The following MARCHF1 variants were observed in gnomAD, a reference collection of about 807,000 sequenced individuals.
The protein encoded by MARCHF1 is E3 ubiquitin-protein ligase MARCHF1.
In MARCHF1, 40 loss-of-function variants were observed where a neutral mutation model predicts 54.2. The ratio of observed to expected loss-of-function variants is 0.74; its 90% CI spans 0.57 to 0.96. The LOEUF (loss-of-function observed/expected upper bound fraction) is 0.96, where lower values mean the gene tolerates loss of function less well. Among genes scored for constraint, MARCHF1 ranks in the 40% least tolerant of loss-of-function variants. The pLI is 0.00. For synonymous variants in MARCHF1, 236 were observed against 236.3 expected (o/e 1.00, Z 0.01); for missense variants, 586 against 656.5 (o/e 0.89, Z 1.17).
chr4:164,013,376 G>A (rs1393663958), intron 2 of MARCHF1, among the ~76,000 whole-genome samples: 1 of 151,976 alleles, frequency 6.6e-6, no homozygotes, highest in Non-Finnish European at 1.5e-5. Flanking sequence ...AAGGATAGAA[G>A]GAGAATAAAG....
At chr4:163,564,399 C>T (rs1739576209) in intron 8 of MARCHF1, among the ~76,000 whole-genome samples, 1 of 152,132 alleles carries the variant, frequency 6.6e-6, no homozygotes, top group African/African-American at 2.4e-5. Context: ...AGAATAGCAG[C>T]TGAAAGGAGC....
At chr4:164,073,780 T>G (rs1411048868) in intron 2 of MARCHF1, among the ~76,000 whole-genome samples, 1 of 148,140 alleles carries the variant, frequency 6.8e-6, no homozygotes, top group African/African-American at 2.5e-5. Context: ...TTTTAGAAAG[T>G]TTTTTTTTTG....
intron 3 of MARCHF1, among the ~76,000 whole-genome samples, chr4:163,888,695 A>G (rs1184043294): frequency 6.6e-6 from 1 of 152,186 alleles, no homozygotes; most frequent in Non-Finnish European, 1.5e-5. Context: ...ATGTGCAGCC[A>G]AATCATTTTC....
intron 3 of MARCHF1, among the ~76,000 whole-genome samples, chr4:163,855,855 G>T (rs1749755921): frequency 6.6e-6 from 1 of 152,086 alleles, no homozygotes; most frequent in Admixed American, 6.5e-5. Flanking sequence ...CAGTAGCTTT[G>T]TCATTTCTTA....
chr4:164,043,013 G>A (rs1244490605), intron 2 of MARCHF1, among the ~76,000 whole-genome samples: 1 of 152,204 alleles, frequency 6.6e-6, no homozygotes, highest in Non-Finnish European at 1.5e-5. Flanking sequence ...TGCCTCCATA[G>A]CTCTGTAAGG....
At chr4:164,226,290 T>C (rs1218223568) in intron 1 of MARCHF1, among the ~76,000 whole-genome samples, 1 of 152,064 alleles carries the variant, frequency 6.6e-6, no homozygotes, top group East Asian at 1.9e-4. Context: ...TCAGAGATAT[T>C]CCAAGGGGTA....
intron 4 of MARCHF1, among the ~76,000 whole-genome samples, chr4:163,843,473 T>C (rs1749397291): frequency 6.6e-6 from 1 of 152,164 alleles, no homozygotes; most frequent in African/African-American, 2.4e-5. Flanking sequence ...TAATGTAAGT[T>C]TCCACCAGCA....
intron 1 of MARCHF1, among the ~76,000 whole-genome samples, chr4:164,351,002 G>C (rs369081942): frequency 2.6e-5 from 4 of 152,058 alleles, no homozygotes; most frequent in African/African-American, 2.4e-5. Context: ...AAGGGGTGAC[G>C]GACGCACCTG....
At chr4:163,780,966 C>T (rs940078010) in intron 4 of MARCHF1, among the ~76,000 whole-genome samples, 1 of 152,102 alleles carries the variant, frequency 6.6e-6, no homozygotes, top group Non-Finnish European at 1.5e-5. Context: ...CATCAGAGCC[C>T]GTTGAGATGT....
At chr4:163,653,571 G>T (rs1212669284) in intron 5 of MARCHF1, among the ~76,000 whole-genome samples, 1 of 151,650 alleles carries the variant, frequency 6.6e-6, no homozygotes, top group Non-Finnish European at 1.5e-5. Flanking sequence ...GTGAAAAGTG[G>T]TTGGATTTAG....
intron 4 of MARCHF1, among the ~76,000 whole-genome samples, chr4:163,747,761 G>A (rs996723360): frequency 6.6e-6 from 1 of 152,196 alleles, no homozygotes; most frequent in Non-Finnish European, 1.5e-5. Context: ...TACAGTGAAA[G>A]AATTTACAAA....
intron 3 of MARCHF1, among the ~76,000 whole-genome samples, chr4:163,900,978 G>T (rs1188148280): frequency 6.6e-6 from 1 of 152,094 alleles, no homozygotes; most frequent in Admixed American, 6.6e-5. Context: ...GCAGATCCTG[G>T]CCTGTCTACC....
At chr4:163,658,471 CCAGTGTAGAAGA>C (rs987680816) in intron 5 of MARCHF1, among the ~76,000 whole-genome samples, 15 of 152,114 alleles carry the variant, frequency 9.9e-5, no homozygotes, top group African/African-American at 2.6e-4. Flanking sequence ...ATTAGTTCAG[CCAGTGTAGAAGA>C]CAGTGTGGCA....
chr4:163,724,256 T>C (rs1479057808), intron 4 of MARCHF1, among the ~76,000 whole-genome samples: 8 of 152,096 alleles, frequency 5.3e-5, no homozygotes, highest in Non-Finnish European at 8.8e-5. Flanking sequence ...TCCTCAGATG[T>C]TGGAGTTTGC....
intron 3 of MARCHF1, among the ~76,000 whole-genome samples, chr4:163,923,330 T>C (rs947573141): frequency 1.3e-5 from 2 of 152,148 alleles, no homozygotes; most frequent in Non-Finnish European, 2.9e-5. Flanking sequence ...AAGATGAGTA[T>C]CACCACCTTC....
chr4:163,632,540 G>A (rs1184266139), intron 5 of MARCHF1, among the ~76,000 whole-genome samples: 1 of 152,180 alleles, frequency 6.6e-6, no homozygotes, highest in African/African-American at 2.4e-5. Flanking sequence ...TTTTCCGACG[G>A]GCTTAAAAAA....
intron 4 of MARCHF1, among the ~76,000 whole-genome samples, chr4:163,702,232 G>A (rs541218059): frequency 2.6e-5 from 4 of 152,108 alleles, no homozygotes; most frequent in Non-Finnish European, 5.9e-5. Flanking sequence ...TGCTCCAGCT[G>A]GAGATTAATG....
chr4:164,042,069 C>T (rs1754140782), intron 2 of MARCHF1, among the ~76,000 whole-genome samples: 1 of 152,028 alleles, frequency 6.6e-6, no homozygotes, highest in African/African-American at 2.4e-5. Context: ...CAACAATATT[C>T]GATTTACTTC....
In MARCHF1 at chr4:164,282,544, G is replaced by C. The variant is rs148583390; in HGVS notation, c.-323+101326C>G. Among the ~76,000 whole-genome samples the C allele has an allele frequency of 1.0e-2, 1,505 of 150,902 alleles. 112 individuals are homozygous for C. The highest frequency in any genetic ancestry group is 0.048 in the East Asian group (235 of 4,934). On this transcript the variant is annotated intron_variant, in intron 1 of 9. Coordinates refer to ENST00000514618, the MANE Select transcript of MARCHF1 (RefSeq NM_001394959.1). ...TCCCACCATTCATCACCACCGTCTTGCTTCACTTCCCATTATAAACACTCC... is the reference window on the plus strand; with the variant it reads ...TCCCACCATTCATCACCACCGTCTTCCTTCACTTCCCATTATAAACACTCC...
Sources: gnomAD v4.1 joint callset for allele counts (sites outside exome capture counted in the v4.1 genomes callset) on GRCh38, gnomAD v4.1.1 for gene constraint, MANE v1.5 for transcripts, NCBI Gene and HGNC (gene_info 2026-07-23, HGNC 2026-07-21) for gene names.